CTNNA3: variants seen among roughly 807,000 people sequenced by gnomAD.
CTNNA3 encodes the protein catenin alpha 3.
A neutral mutation model predicts 95.7 loss-of-function variants in CTNNA3; 76 were observed. The ratio of observed to expected loss-of-function variants is 0.79; its 90% confidence interval spans 0.66 to 0.96. The LOEUF is 0.96. CTNNA3 is among the 40% of genes least tolerant of loss of function. CTNNA3 has a pLI of 0.00. For missense variants in CTNNA3, 1,191 were observed against 1,089.8 expected (o/e 1.09, Z -1.31); for synonymous variants, 431 against 374.4 (o/e 1.15, Z -1.74).
At chr10:66,954,242 T>C (rs1848680377) in intron 7 of CTNNA3, among the ~76,000 whole-genome samples, 1 of 152,190 alleles carries the variant, frequency 6.6e-6, no homozygotes, top group South Asian at 2.1e-4. Flanking sequence ...AATGTAACCA[T>C]ATAGTATTTG....
intron 7 of CTNNA3, among the ~76,000 whole-genome samples, chr10:66,953,403 T>C (rs2132730671): frequency 6.6e-6 from 1 of 152,322 alleles, no homozygotes; most frequent in African/African-American, 2.4e-5. Context: ...AATACATGAA[T>C]CAAGGAGGTT....
chr10:66,196,612 C>T (rs2086975439), intron 13 of CTNNA3, among the ~76,000 whole-genome samples: 2 of 152,220 alleles, frequency 1.3e-5, no homozygotes, highest in African/African-American at 4.8e-5. Flanking sequence ...GGTTACATCA[C>T]CTGGCCCCTT....
At chr10:66,460,494 AGC>A (rs1245001684) in intron 11 of CTNNA3, among the ~76,000 whole-genome samples, 3 of 152,162 alleles carry the variant, frequency 2.0e-5, no homozygotes, top group African/African-American at 7.2e-5. Flanking sequence ...GGTAATCTAA[AGC>A]CAGGGAACCA....
rs191187680 is a variant in CTNNA3, at chr10:67,750,194, G to A, written c.-2+13240C>T. 1,426 of 1,316,978 alleles carry A rather than the reference G, an allele frequency of 1.1e-3. 1 individual carries two copies. The highest frequency in any genetic ancestry group is 1.3e-3 in the Non-Finnish European group (1,235 of 927,468). 81.6% of individuals were successfully genotyped at this position (1,316,978 alleles called of 1,614,324 possible). On this transcript the variant is annotated intron_variant, in intron 1 of 17. Transcript: ENST00000684154. The stretch of plus-strand genomic sequence containing the variant: ...CCGTGGCTTCATTCTTGAAGTCAGT[G>A]AGACCAAGAACCCACTGGAAGGAAC...
At chr10:67,302,073 AAGAAAGAAAG>A (rs1382364267) in intron 5 of CTNNA3, among the ~76,000 whole-genome samples, 9 of 125,658 alleles carry the variant, frequency 7.2e-5, no homozygotes, top group African/African-American at 2.3e-4. Context: ...GAAAGAAAGA[AAGAAAGAAAG>A]AAAGAAAGAA....
chr10:67,433,726 T>G (rs961151320), intron 5 of CTNNA3, among the ~76,000 whole-genome samples: 6 of 152,092 alleles, frequency 3.9e-5, no homozygotes, highest in Non-Finnish European at 7.4e-5. Flanking sequence ...ATAAAATGAA[T>G]GAATAAATGA....
intron 7 of CTNNA3, among the ~76,000 whole-genome samples, chr10:66,866,382 G>A (rs191294682): frequency 2.6e-4 from 39 of 152,334 alleles, no homozygotes; most frequent in Non-Finnish European, 1.9e-4. Flanking sequence ...CTAGAGCTTA[G>A]AATGTTGCCT....
chr10:66,049,778 A>T (rs10996855), intron 15 of CTNNA3, among the ~76,000 whole-genome samples: 1 of 145,980 alleles, frequency 6.9e-6, no homozygotes, highest in Admixed American at 7.0e-5. Flanking sequence ...AACAAAATAC[A>T]TTAGCATCTA....
At chr10:67,433,574 C>T (rs570307186) in intron 5 of CTNNA3, among the ~76,000 whole-genome samples, 1 of 152,016 alleles carries the variant, frequency 6.6e-6, no homozygotes, top group African/African-American at 2.4e-5. Context: ...CACAATAAAA[C>T]GAGGTATGCC....
At chr10:66,352,569 G>A (rs2092575106) in intron 12 of CTNNA3, among the ~76,000 whole-genome samples, 1 of 151,968 alleles carries the variant, frequency 6.6e-6, no homozygotes, top group Non-Finnish European at 1.5e-5. Flanking sequence ...TAACACCATT[G>A]TATACTTTGG....
intron 1 of CTNNA3, among the ~76,000 whole-genome samples, chr10:67,663,957 T>C (rs1051756295): frequency 5.9e-5 from 9 of 152,194 alleles, no homozygotes; most frequent in Non-Finnish European, 1.3e-4. Flanking sequence ...TAAAGTCCTG[T>C]CTCTGGTTTC....
At chr10:67,388,625 G>A (rs1289963193) in intron 5 of CTNNA3, among the ~76,000 whole-genome samples, 1 of 149,138 alleles carries the variant, frequency 6.7e-6, no homozygotes, top group Non-Finnish European at 1.5e-5. Flanking sequence ...CACCAAAGTT[G>A]AAATGAAGGA....
At chr10:67,668,987 C>T (rs940359565) in intron 1 of CTNNA3, among the ~76,000 whole-genome samples, 8 of 151,770 alleles carry the variant, frequency 5.3e-5, no homozygotes, top group Non-Finnish European at 7.4e-5. Context: ...TACAGGCACT[C>T]GCCACCATGC....
Position 66,291,947 on chromosome 10 carries a change from C to G in CTNNA3, c.1733-11326G>C, listed in dbSNP as rs1171684000. ...TGTATATATGTATTATAATATATCTCATATTGTATATCAATATATTATAAT... is the reference window on the plus strand; with the variant it reads ...TGTATATATGTATTATAATATATCTGATATTGTATATCAATATATTATAAT... On this transcript the variant is annotated intron_variant, in intron 12 of 17. Transcript: ENST00000433211. Among the ~76,000 whole-genome samples, 3 of 150,758 alleles carry G rather than the reference C, an allele frequency of 2.0e-5. No homozygotes were observed. In the East Asian group the frequency reaches 5.8e-4, roughly 29 times the overall value.
intron 3 of CTNNA3, among the ~76,000 whole-genome samples, chr10:67,544,259 C>G (rs1840771502): frequency 6.6e-6 from 1 of 152,108 alleles, no homozygotes; most frequent in Non-Finnish European, 1.5e-5. Flanking sequence ...TCCTTTCCTA[C>G]CTGAAACAAA....
At chr10:67,460,983 T>C (rs988456085) in intron 5 of CTNNA3, among the ~76,000 whole-genome samples, 1 of 152,188 alleles carries the variant, frequency 6.6e-6, no homozygotes, top group Non-Finnish European at 1.5e-5. Context: ...GAAGCTGGCA[T>C]TGAAAGCAAG....
At chr10:66,095,628 T>C (rs2081361381) in intron 14 of CTNNA3, among the ~76,000 whole-genome samples, 2 of 152,106 alleles carry the variant, frequency 1.3e-5, no homozygotes, top group Admixed American at 6.6e-5. Context: ...TAGTGAAGGA[T>C]ATTCAGGTAA....
chr10:66,919,279 T>C (rs1846668221), intron 7 of CTNNA3, among the ~76,000 whole-genome samples: 1 of 152,058 alleles, frequency 6.6e-6, no homozygotes, highest in African/African-American at 2.4e-5. Context: ...TTGGAGTTGA[T>C]ATTTATTATA....
intron 7 of CTNNA3, among the ~76,000 whole-genome samples, chr10:67,031,576 C>G (rs1041137864): frequency 6.6e-6 from 1 of 152,140 alleles, no homozygotes; most frequent in African/African-American, 2.4e-5. Flanking sequence ...TTTAAGAGGA[C>G]ATAATGTAAC....
Sources: gnomAD v4.1 joint callset for allele counts (sites outside exome capture counted in the v4.1 genomes callset) on GRCh38, gnomAD v4.1.1 for gene constraint, MANE v1.5 for transcripts, NCBI Gene and HGNC (gene_info 2026-07-23, HGNC 2026-07-21) for gene names.